Variants in LSAMP observed in about 807,000 individuals in gnomAD.
LSAMP encodes limbic system-associated membrane protein.
Under a neutral mutation model 38.6 loss-of-function variants are expected in LSAMP, and 7 were observed. That is an observed-to-expected ratio of 0.18 (90% confidence interval 0.10 to 0.34). LSAMP has a LOEUF of 0.34. LSAMP is among the 10% of genes least tolerant of loss of function. The pLI is 1.00. For synonymous variants in LSAMP, 154 were observed against 166.8 expected (o/e 0.92, Z 0.59); for missense variants, 313 against 420.0 (o/e 0.75, Z 2.23).
chr3:116,047,598 T>C (rs953623941), intron 2 of LSAMP, among the ~76,000 whole-genome samples: 1 of 152,104 alleles, frequency 6.6e-6, no homozygotes, highest in East Asian at 1.9e-4. Flanking sequence ...TTTGATCCTT[T>C]TGCCTCCTTG....
intron 1 of LSAMP, among the ~76,000 whole-genome samples, chr3:116,153,528 G>A (rs1232596331): frequency 6.6e-6 from 1 of 152,028 alleles, no homozygotes; most frequent in Non-Finnish European, 1.5e-5. Context: ...TTTCAGGGCT[G>A]GAAAGACCAC....
chr3:116,056,722 TCC>T (rs962097441), intron 2 of LSAMP, among the ~76,000 whole-genome samples: 16 of 152,232 alleles, frequency 1.1e-4, no homozygotes, highest in Middle Eastern at 6.8e-3. Context: ...GTCTTCTTCA[TCC>T]CCCAGAGATA....
chr3:115,918,328 C>G (rs1322693149), intron 3 of LSAMP, among the ~76,000 whole-genome samples: 1 of 152,166 alleles, frequency 6.6e-6, no homozygotes, highest in East Asian at 1.9e-4. Flanking sequence ...TACAAGATTT[C>G]TCCCAAAGCT....
chr3:116,434,040 T>C (rs914027871), intron 1 of LSAMP, among the ~76,000 whole-genome samples: 3 of 152,176 alleles, frequency 2.0e-5, no homozygotes, highest in Non-Finnish European at 2.9e-5. Flanking sequence ...ATGGGAAATA[T>C]TGAAGGTATT....
At chr3:116,071,298 A>C (rs534933579) in intron 2 of LSAMP, among the ~76,000 whole-genome samples, 1 of 150,942 alleles carries the variant, frequency 6.6e-6, no homozygotes, top group Admixed American at 6.6e-5. Flanking sequence ...CTCTCTGAAA[A>C]GTTTTCTGAA....
chr3:115,967,660 T>A (rs1938863273), intron 3 of LSAMP, among the ~76,000 whole-genome samples: 1 of 152,194 alleles, frequency 6.6e-6, no homozygotes. Context: ...TTGACGTGGC[T>A]GGGGAGGCCT....
chr3:116,070,495 G>C (rs1707574674), intron 2 of LSAMP, among the ~76,000 whole-genome samples: 1 of 152,154 alleles, frequency 6.6e-6, no homozygotes, highest in African/African-American at 2.4e-5. Flanking sequence ...CAGACTATAA[G>C]CTCTAGCTTG....
chr3:116,309,854 C>G (rs2047532331), intron 1 of LSAMP, among the ~76,000 whole-genome samples: 1 of 152,176 alleles, frequency 6.6e-6, no homozygotes, highest in Non-Finnish European at 1.5e-5. Flanking sequence ...TGCTAGAACA[C>G]TTAGTCTGCC....
intron 2 of LSAMP, among the ~76,000 whole-genome samples, chr3:116,082,251 C>G (rs560535549): frequency 1.3e-5 from 2 of 152,208 alleles, no homozygotes; most frequent in East Asian, 3.9e-4. Context: ...TTATAAGGCT[C>G]TAGTACCTGC....
chr3:115,889,520 A>G (rs939573112), intron 3 of LSAMP, among the ~76,000 whole-genome samples: 1 of 151,918 alleles, frequency 6.6e-6, no homozygotes, highest in African/African-American at 2.4e-5. Flanking sequence ...TATTTCTAAT[A>G]TGAACACAGC....
At chr3:115,874,665 G>A (rs1176306891) in intron 3 of LSAMP, among the ~76,000 whole-genome samples, 2 of 152,094 alleles carry the variant, frequency 1.3e-5, no homozygotes, top group African/African-American at 4.8e-5. Context: ...GAATAAACCA[G>A]CCTGTCTTCA....
intron 6 of LSAMP, chr3:115,814,025 C>T (rs185604563): frequency 6.5e-4 from 99 of 152,202 alleles, no homozygotes; most frequent in African/African-American, 1.9e-3. Flanking sequence ...TTTTAGTATC[C>T]AATCCATTCT....
intron 1 of LSAMP, among the ~76,000 whole-genome samples, chr3:116,135,572 G>T (rs998371856): frequency 6.6e-6 from 1 of 152,062 alleles, no homozygotes; most frequent in Non-Finnish European, 1.5e-5. Context: ...CTACAAGCTG[G>T]GTGCAGCCCT....
At position 115,803,862 on chromosome 3, in the gene LSAMP, C is replaced by T. The variant is rs1345108406; in HGVS notation, c.*6455G>A. 6.6e-6 allele frequency: 1 copy of T among 152,192 alleles called. No individual in the cohort carries two copies. Among genetic ancestry groups the T allele is most frequent in the Non-Finnish European group, 1.5e-5 (1 of 68,022 alleles). The allele number at this position is 152,192 out of a possible 1,614,324, so 9.4% of individuals were successfully genotyped here. Reference sequence around the variant, plus strand: ...CACAAGCAAAGAGTTTCCAAAGACACACATTTACTGTAATGAGGTACTTGG... The same window carrying T: ...CACAAGCAAAGAGTTTCCAAAGACATACATTTACTGTAATGAGGTACTTGG... On this transcript the variant is annotated 3_prime_UTR_variant, in exon 7 of 7. Transcript: ENST00000490035.
intron 1 of LSAMP, among the ~76,000 whole-genome samples, chr3:116,233,288 C>A (rs1418092089): frequency 6.6e-6 from 1 of 151,738 alleles, no homozygotes; most frequent in Non-Finnish European, 1.5e-5. Context: ...TGGTTGGCGC[C>A]TGTAGTCCCA....
At chr3:116,295,203 C>T (rs2047315270) in intron 1 of LSAMP, among the ~76,000 whole-genome samples, 1 of 152,148 alleles carries the variant, frequency 6.6e-6, no homozygotes, top group Admixed American at 6.6e-5. Flanking sequence ...GGGAATCATA[C>T]ATCTGGCCAA....
At chr3:115,853,427 G>T (rs1935394888) in intron 3 of LSAMP, among the ~76,000 whole-genome samples, 1 of 152,154 alleles carries the variant, frequency 6.6e-6, no homozygotes, top group Non-Finnish European at 1.5e-5. Flanking sequence ...TAAAAGTTGG[G>T]ATTAGGTATA....
At chr3:115,938,030 T>C (rs755549806) in intron 3 of LSAMP, among the ~76,000 whole-genome samples, 8 of 152,306 alleles carry the variant, frequency 5.3e-5, no homozygotes, top group South Asian at 2.1e-4. Flanking sequence ...TAAAGGCAAG[T>C]AGCTTAAAAA....
At chr3:115,836,191 G>C (rs998741301) in intron 6 of LSAMP, among the ~76,000 whole-genome samples, 2 of 152,016 alleles carry the variant, frequency 1.3e-5, no homozygotes, top group Admixed American at 1.3e-4. Flanking sequence ...TTCTCAGCTT[G>C]TTATTACCGT....
Sources: gnomAD v4.1 joint callset for allele counts (sites outside exome capture counted in the v4.1 genomes callset) on GRCh38, gnomAD v4.1.1 for gene constraint, MANE v1.5 for transcripts, NCBI Gene and HGNC (gene_info 2026-07-23, HGNC 2026-07-21) for gene names.